The following CASS4 variants were observed in gnomAD, a reference collection of about 807,000 sequenced individuals.
The protein encoded by CASS4 is cas scaffolding protein family member 4.
Under a neutral mutation model 54.2 loss-of-function variants are expected in CASS4, and 22 were observed. The ratio of observed to expected loss-of-function variants is 0.41; its 90% CI spans 0.29 to 0.58. The LOEUF (loss-of-function observed/expected upper bound fraction) is 0.58. Ranked by LOEUF, CASS4 falls within the 20% of genes least tolerant of loss-of-function variation. The pLI, the probability that CASS4 is intolerant of heterozygous loss-of-function variation, is 0.36. For synonymous variants in CASS4, 409 were observed against 391.5 expected, an observed-to-expected ratio of 1.04 and a Z score of -0.53; for missense variants, 854 against 986.7, an observed-to-expected ratio of 0.87 and a Z score of 1.80.
Position 56,452,863 on chromosome 20 carries a change from G to A in CASS4, c.1687G>A (p.Val563Ile). ...CAGCCCAGATGACCTTGAGAGGTTT[G>A]TCATGGTGGCACGGATGCTTCCAGA... ...QNSPDDLERF[V>I]MVARMLPEDI... The change falls in exon 5 of 6, where the codon GTC (valine) becomes ATC (isoleucine). Residue 563 changes from valine (V) to isoleucine (I), a missense_variant. Transcript: ENST00000679887. 6.2e-7 allele frequency: 1 copy of A among 1,614,102 alleles called. No individual in the cohort carries two copies. Among genetic ancestry groups the A allele is most frequent in the East Asian group, 2.2e-5 (1 of 44,850 alleles).
Position 56,445,442 on chromosome 20 carries a change from CTGCCTAT to C in CASS4, c.460-454_460-448del, listed in dbSNP as rs144872141. Among the ~76,000 whole-genome samples, 231 of 152,358 alleles carry C rather than the reference CTGCCTAT, an allele frequency of 1.5e-3. 1 individual carries two copies. In the East Asian group the frequency reaches 0.023, roughly 15 times the overall value. On this transcript the variant is annotated intron_variant, in intron 2 of 5. Coordinates refer to ENST00000679887, the MANE Select transcript of CASS4 (RefSeq NM_020356.4). ...CCACCTTACATTCTTAAAGTCCCCTCTGCCTATTGCGTGCACTTCTCCAGCCTCAGCC... is the reference window on the plus strand; with the variant it reads ...CCACCTTACATTCTTAAAGTCCCCTCTGCGTGCACTTCTCCAGCCTCAGCC...
In CASS4 at chr20:56,433,724, C is replaced by T. The variant is rs991582856; in HGVS notation, c.37-3440C>T. Among the ~76,000 whole-genome samples, 44 of 152,164 alleles carry T rather than the reference C, an allele frequency of 2.9e-4. 1 individual carries two copies. Among genetic ancestry groups the T allele is most frequent in the Admixed American group, 2.8e-3 (42 of 15,272 alleles). On this transcript the variant is annotated intron_variant, in intron 1 of 5. Coordinates refer to ENST00000679887, the MANE Select transcript of CASS4 (RefSeq NM_020356.4). ...AGCTCTCTGCTTTTCAATGTCATCT[C>T]ATACACTCACTGGGCTCAGACAAGT...
In CASS4 at chr20:56,419,618, G is replaced by GT. The variant is rs1220746882; in HGVS notation, c.36+7132dup. Among the ~76,000 whole-genome samples, 7 of 151,774 alleles carry GT rather than the reference G, an allele frequency of 4.6e-5. 1 individual carries two copies. Among genetic ancestry groups the GT allele is most frequent in the Non-Finnish European group, 7.4e-5 (5 of 67,932 alleles). On this transcript the variant is annotated intron_variant, in intron 1 of 5. Coordinates refer to ENST00000679887, the MANE Select transcript of CASS4 (RefSeq NM_020356.4). ...ATTTTTGTATTTTTAGTAGAGGTGG[G>GT]TTTTTTTTCACCATGTTGCCCAGGC...
At chr20:56,435,504 T>C (rs1269940741) in intron 1 of CASS4, among the ~76,000 whole-genome samples, 1 of 152,182 alleles carries the variant, frequency 6.6e-6, no homozygotes, top group Admixed American at 6.6e-5. Context: ...TATAAAAAGA[T>C]TGGGAAAGGT....
At chr20:56,435,892 A>G (rs933196446) in intron 1 of CASS4, among the ~76,000 whole-genome samples, 3 of 152,224 alleles carry the variant, frequency 2.0e-5, no homozygotes, top group East Asian at 1.9e-4. Flanking sequence ...CTGGGACTAC[A>G]GGCATGCGCT....
In CASS4 at chr20:56,448,432, CCT is replaced by C. The variant is rs1980832035; in HGVS notation, c.562-2160_562-2159del. Among the ~76,000 whole-genome samples the C allele has an allele frequency of 2.6e-5, 4 of 152,260 alleles. No homozygotes were observed. The South Asian group carries it at 6.2e-4, about 24-fold the overall frequency. ...AGGCCATCCACAGCACGGCTGCCAC[CCT>C]CTCTCTTTTCAACTTTCCCAAGCCA... On this transcript the variant is annotated intron_variant, in intron 3 of 5. Coordinates refer to ENST00000679887, the MANE Select transcript of CASS4 (RefSeq NM_020356.4).
At position 56,430,402 on chromosome 20, in the gene CASS4, G is replaced by T. The variant is rs1455269038; in HGVS notation, c.37-6762G>T. 6.6e-6 allele frequency among the ~76,000 whole-genome samples: 1 copy of T among 152,096 alleles called. No homozygotes were observed. The highest frequency in any genetic ancestry group is 1.5e-5 in the Non-Finnish European group (1 of 68,032). The stretch of plus-strand genomic sequence containing the variant: ...ATCGTTTAAGAACATTTCTTCCATT[G>T]TACCCAGAATCTAACTGCTTGTGTA... On this transcript the variant is annotated intron_variant, in intron 1 of 5. Transcript: ENST00000679887. The surrounding 1 kb of genome is among the most constrained non-coding windows in gnomAD (Gnocchi z 4.2).
chr20:56,442,062 C>T (rs917370833), intron 2 of CASS4, among the ~76,000 whole-genome samples: 2 of 151,918 alleles, frequency 1.3e-5, no homozygotes, highest in African/African-American at 4.9e-5. Context: ...CTCTGAGCCA[C>T]GGGTTTTGAA....
intron 1 of CASS4, among the ~76,000 whole-genome samples, chr20:56,415,908 A>G (rs1979112326): frequency 6.6e-6 from 1 of 152,254 alleles, no homozygotes; most frequent in Non-Finnish European, 1.5e-5. Flanking sequence ...TGTTTTATAG[A>G]ACAAGGCGAA....
intron 1 of CASS4, among the ~76,000 whole-genome samples, chr20:56,426,712 G>A (rs1043107234): frequency 1.9e-4 from 29 of 152,028 alleles, no homozygotes; most frequent in African/African-American, 6.3e-4. Context: ...CAAGTAGCTG[G>A]GATTACAGGC....
chr20:56,444,420 C>T (rs1980609464), intron 2 of CASS4, among the ~76,000 whole-genome samples: 1 of 152,192 alleles, frequency 6.6e-6, no homozygotes, highest in Non-Finnish European at 1.5e-5. Flanking sequence ...TTCACCCTGT[C>T]CTCTCCTCCA....
At chr20:56,438,376 TG>T (rs1265244318) in intron 2 of CASS4, among the ~76,000 whole-genome samples, 1 of 152,096 alleles carries the variant, frequency 6.6e-6, no homozygotes, top group Non-Finnish European at 1.5e-5. Context: ...AATATATGTC[TG>T]GATGAGGAGG....
rs201872765 is a variant in CASS4, at chr20:56,458,749, G to A, written c.*2G>A. ...CAGTTCAGAGGGACACTGGGATGAG[G>A]ACTGTCTACCTCCCTTCCTCCTCTG... is the stretch of plus-strand genomic sequence containing the variant. On this transcript the variant is annotated 3_prime_UTR_variant, in exon 6 of 6. Coordinates refer to ENST00000679887, the MANE Select transcript of CASS4 (RefSeq NM_020356.4). 6 of 1,593,748 alleles carry A rather than the reference G, an allele frequency of 3.8e-6. No individual in the cohort carries two copies. Among genetic ancestry groups the A allele is most frequent in the Non-Finnish European group, 5.1e-6 (6 of 1,167,824 alleles).
chr20:56,445,243 C>T (rs535085185), intron 2 of CASS4, among the ~76,000 whole-genome samples: 1 of 152,232 alleles, frequency 6.6e-6, no homozygotes, highest in Non-Finnish European at 1.5e-5. Flanking sequence ...TCCCCTCCCT[C>T]GCTCCTCTCC....
intron 3 of CASS4, 79 bp downstream of exon 3, chr20:56,446,080 G>T: frequency 1.1e-6 from 1 of 905,694 alleles, no homozygotes; most frequent in Non-Finnish European, 1.7e-6. Context: ...TGCCCACATT[G>T]CATTTCAGCA....
chr20:56,412,294 C>A lies in CASS4; in HGVS notation c.-165C>A. The A allele has an allele frequency of 1.4e-6, 1 of 734,008 alleles. No individual in the cohort carries two copies. The highest frequency in any genetic ancestry group is 2.3e-6 in the Non-Finnish European group (1 of 437,822). 45.5% of individuals were successfully genotyped at this position (734,008 alleles called of 1,614,324 possible). ...CTTATCGTGCTTTCCAGAAAGTTTG[C>A]CTGCTGGGAGAGTCTTTTTGATCGT... On this transcript the variant is annotated 5_prime_UTR_variant, in exon 1 of 6. Coordinates refer to ENST00000679887, the MANE Select transcript of CASS4 (RefSeq NM_020356.4). This position sits in a 1 kb window ranked among gnomAD's most constrained non-coding sequence, Gnocchi z 4.2.
At position 56,450,643 on chromosome 20, in the gene CASS4, G is replaced by A; in HGVS notation, c.606G>A (p.Lys202=). The A allele has an allele frequency of 6.2e-7, 1 of 1,614,170 alleles. No individual in the cohort carries two copies. Among genetic ancestry groups the A allele is most frequent in the Admixed American group, 1.7e-5 (1 of 60,010 alleles). ...QQLYDIPASP[K]KAGLHPPDSQ... ...TATATGACATACCAGCCAGCCCCAA[G>A]AAGGCAGGACTCCATCCCCCAGACA... Residue 202 remains lysine, a synonymous_variant, in exon 4 of 6, where the codon AAG becomes AAA. Transcript: ENST00000679887.
chr20:56,454,463 A>T (rs936477402), intron 5 of CASS4, among the ~76,000 whole-genome samples: 2 of 152,236 alleles, frequency 1.3e-5, no homozygotes, highest in South Asian at 4.1e-4. Flanking sequence ...GTGGGTCATT[A>T]TATCAGGCCA....
At chr20:56,421,514 T>C (rs990816513) in intron 1 of CASS4, among the ~76,000 whole-genome samples, 1 of 151,932 alleles carries the variant, frequency 6.6e-6, no homozygotes, top group African/African-American at 2.4e-5. Context: ...CTGGGCAACA[T>C]AGCGAGACTA....
Sources: allele counts gnomAD v4.1 joint callset (sites outside exome capture counted in the v4.1 genomes callset), GRCh38; gene constraint gnomAD v4.1.1; non-coding constraint Gnocchi (gnomAD v3.1); transcripts MANE v1.5; gene names NCBI Gene and HGNC (gene_info 2026-07-23, HGNC 2026-07-21).